TNFRSF21: variants seen among roughly 807,000 people sequenced by gnomAD.
The protein encoded by TNFRSF21 is tumor necrosis factor receptor superfamily member 21.
A neutral mutation model predicts 45.6 loss-of-function variants in TNFRSF21; 19 were observed. The ratio of observed to expected loss-of-function variants is 0.42; its 90% confidence interval spans 0.29 to 0.61. The LOEUF is 0.61. Among genes scored for constraint, TNFRSF21 ranks in the 20% least tolerant of loss-of-function variants. The probability of loss-of-function intolerance (pLI) is 0.23; values close to 1 mark genes in which losing one functional copy is unlikely to be tolerated. For synonymous variants in TNFRSF21, 314 were observed against 335.5 expected (o/e 0.94, Z 0.70); for missense variants, 737 against 851.5 (o/e 0.87, Z 1.67).
At chr6:47,298,091 T>C (rs1762814635) in intron 1 of TNFRSF21, among the ~76,000 whole-genome samples, 1 of 152,002 alleles carries the variant, frequency 6.6e-6, no homozygotes, top group African/African-American at 2.4e-5. Flanking sequence ...TATTAATAAG[T>C]ACATTAGATA....
In TNFRSF21 at chr6:47,270,191, G is replaced by A. The variant is rs1167881480; in HGVS notation, c.1243+13747C>T. ...GAAGGGACAGACTGCCTCCTCAAGTGGGTCCCTGACCCCCGTATAGCCTAA... is the reference window on the plus strand; with the variant it reads ...GAAGGGACAGACTGCCTCCTCAAGTAGGTCCCTGACCCCCGTATAGCCTAA... On this transcript the variant is annotated intron_variant, in intron 3 of 5. Transcript: ENST00000296861. Among the ~76,000 whole-genome samples, 3 of 152,170 alleles carry A rather than the reference G, an allele frequency of 2.0e-5. No homozygotes were observed. In the East Asian group the frequency reaches 5.8e-4, roughly 29 times the overall value.
At chr6:47,295,157 G>A (rs1210217969) in intron 1 of TNFRSF21, among the ~76,000 whole-genome samples, 1 of 152,168 alleles carries the variant, frequency 6.6e-6, no homozygotes, top group Non-Finnish European at 1.5e-5. Context: ...CATTCACCCT[G>A]GTGAGCCACA....
chr6:47,278,426 AGCTATGT>A (rs1762527152), intron 3 of TNFRSF21, among the ~76,000 whole-genome samples: 2 of 152,206 alleles, frequency 1.3e-5, no homozygotes, highest in African/African-American at 4.8e-5. Context: ...GGTAACCACA[AGCTATGT>A]GCGGCTACTG....
chr6:47,295,284 A>G (rs1762777642), intron 1 of TNFRSF21, among the ~76,000 whole-genome samples: 2 of 152,246 alleles, frequency 1.3e-5, no homozygotes, highest in African/African-American at 4.8e-5. Context: ...TTATTCCTTA[A>G]CAATTCTTAC....
intron 1 of TNFRSF21, 25 bp downstream of exon 1, chr6:47,309,385 GCCGCCA>G: frequency 6.6e-7 from 1 of 1,517,116 alleles, no homozygotes; most frequent in South Asian, 1.2e-5. Flanking sequence ...CTCCGGCGCC[GCCGCCA>G]CCCCCGGTCC....
intron 5 of TNFRSF21, 148 bp from the exon 6 acceptor site, chr6:47,233,142 T>A: frequency 1.5e-6 from 1 of 689,526 alleles, no homozygotes; most frequent in Non-Finnish European, 2.4e-6. Flanking sequence ...AGAGAGTGAG[T>A]GATCCTCTGG....
At position 47,232,936 on chromosome 6, in the gene TNFRSF21, G is replaced by A. The variant is rs1218332694; in HGVS notation, c.1797C>T (p.Ile599=). The A allele has an allele frequency of 1.9e-6, 3 of 1,614,046 alleles. No homozygotes were observed. The highest frequency in any genetic ancestry group is 1.3e-5 in the African/African-American group (1 of 74,916). The change falls in exon 6 of 6, where the codon ATC becomes ATT. Residue 599 remains isoleucine (I), a synonymous_variant. Coordinates refer to ENST00000296861, the MANE Select transcript of TNFRSF21 (RefSeq NM_014452.5). ...TTAGAAAGTGGAGCATGTCATCAAA[G>A]ATAGGCTGCAAGTCACAGGGGTCCA... ...VRLDPCDLQP[I]FDDMLHFLNP...
At chr6:47,308,467 A>G (rs1038099609) in intron 1 of TNFRSF21, among the ~76,000 whole-genome samples, 2 of 152,196 alleles carry the variant, frequency 1.3e-5, no homozygotes, top group African/African-American at 4.8e-5. Flanking sequence ...GTTTGATCTC[A>G]AATTTTCTTC....
intron 3 of TNFRSF21, 43 bp from the exon 4 acceptor site, chr6:47,253,564 G>A (rs752880392): frequency 4.4e-6 from 7 of 1,591,388 alleles, no homozygotes; most frequent in Non-Finnish European, 6.0e-6. Flanking sequence ...GGCTTGTAAG[G>A]GAAGCTTCTT....
chr6:47,260,664 A>G (rs1323036803), intron 3 of TNFRSF21, among the ~76,000 whole-genome samples: 2 of 152,342 alleles, frequency 1.3e-5, no homozygotes, highest in Admixed American at 1.3e-4. Context: ...ATGAGAACCC[A>G]TATCAAAGCC....
Position 47,290,054 on chromosome 6 carries a change from A to C in TNFRSF21, c.97-3459T>G, listed in dbSNP as rs373144261. 1.2e-4 allele frequency among the ~76,000 whole-genome samples: 19 copies of C among 152,266 alleles called. 1 individual carries two copies. In the South Asian group the frequency reaches 3.1e-3, roughly 25 times the overall value. On this transcript the variant is annotated intron_variant, in intron 1 of 5. Transcript: ENST00000296861. The stretch of plus-strand genomic sequence containing the variant: ...CAGGATTAGACCCTATCTCCCTACT[A>C]AACACCCAACCCAAGAGGTTGCAAA...
chr6:47,255,756 C>A (rs371005905), intron 3 of TNFRSF21, among the ~76,000 whole-genome samples: 1 of 152,138 alleles, frequency 6.6e-6, no homozygotes, highest in Non-Finnish European at 1.5e-5. Context: ...AGCCACCATG[C>A]CTGGCCAATA....
At chr6:47,279,161 C>T (rs953195931) in intron 3 of TNFRSF21, among the ~76,000 whole-genome samples, 1 of 152,198 alleles carries the variant, frequency 6.6e-6, no homozygotes, top group Admixed American at 6.5e-5. Context: ...AACTTCCCCT[C>T]TAAATTTCTA....
chr6:47,281,570 G>A (rs533176260), intron 3 of TNFRSF21, among the ~76,000 whole-genome samples: 47 of 152,156 alleles, frequency 3.1e-4, no homozygotes, highest in African/African-American at 1.1e-3. Flanking sequence ...TAGTAGATAC[G>A]AGGTTTCGCC....
rs548172761 is a variant in TNFRSF21 at position 47,239,285 on chromosome 6, CAAAAAAAA to C, written c.1510-4395_1510-4388del. On this transcript the variant is annotated intron_variant, in intron 4 of 5. Transcript: ENST00000296861. The stretch of plus-strand genomic sequence containing the variant: ...TGGGCAACAGAGCAAGACTCCATCT[CAAAAAAAA>C]AAAAAAAAAAAAAAAAAGGAAACTG... Among the ~76,000 whole-genome samples, 289 of 57,368 alleles carry C rather than the reference CAAAAAAAA, an allele frequency of 5.0e-3. 2 individuals are homozygous for C. The highest frequency in any genetic ancestry group is 0.014 in the African/African-American group (244 of 17,510). The allele number at this position is 57,368 out of a possible 152,430, so 37.6% of individuals were successfully genotyped here. A position where few individuals can be genotyped will look rare whatever the true frequency, so the allele number is the denominator to read the frequency against.
chr6:47,307,851 C>T (rs901006634), intron 1 of TNFRSF21, among the ~76,000 whole-genome samples: 1 of 152,180 alleles, frequency 6.6e-6, no homozygotes, highest in Admixed American at 6.5e-5. Context: ...ATATAATAAT[C>T]AGATGTGTTA....
intron 3 of TNFRSF21, among the ~76,000 whole-genome samples, chr6:47,261,247 T>C (rs1379748932): frequency 6.6e-6 from 1 of 152,216 alleles, no homozygotes; most frequent in African/African-American, 2.4e-5. Context: ...AATAAAAGCC[T>C]GGCTTTAGCA....
chr6:47,306,967 A>T (rs1373804937), intron 1 of TNFRSF21, among the ~76,000 whole-genome samples: 1 of 152,232 alleles, frequency 6.6e-6, no homozygotes, highest in Non-Finnish European at 1.5e-5. Flanking sequence ...ATGGCCAAGG[A>T]TCCCAATGGG....
At chr6:47,309,344 C>G in intron 1 of TNFRSF21, 72 bp downstream of exon 1, 1 of 1,477,600 alleles carries the variant, frequency 6.8e-7, no homozygotes, top group Non-Finnish European at 8.9e-7. Context: ...GCCCGGTGAC[C>G]CGCCCGGCTC....
Sources: allele counts gnomAD v4.1 joint callset (sites outside exome capture counted in the v4.1 genomes callset), GRCh38; gene constraint gnomAD v4.1.1; transcripts MANE v1.5; gene names NCBI Gene and HGNC (gene_info 2026-07-23, HGNC 2026-07-21).